PDGFD: variants seen among roughly 807,000 people sequenced by gnomAD.
The protein encoded by PDGFD is platelet derived growth factor D.
Under a neutral mutation model 44.7 loss-of-function variants are expected in PDGFD, and 30 were observed. That is an observed-to-expected ratio of 0.67 (90% CI 0.50 to 0.91). The LOEUF is 0.91. PDGFD is among the 40% of genes least tolerant of loss of function. PDGFD has a pLI of 0.00. For synonymous variants in PDGFD, 173 were observed against 168.4 expected (o/e 1.03, Z -0.21); for missense variants, 445 against 457.8 (o/e 0.97, Z 0.25).
In PDGFD at chr11:103,907,533, AG is replaced by A. The variant is rs1372631739; in HGVS notation, c.*2160del. ...AGGGAGAAGTTTTAATAAAACTCTC[AG>A]GAAAGGCAAAGAAAAGTGAGTGAAT... is the stretch of plus-strand genomic sequence containing the variant. On this transcript the variant is annotated 3_prime_UTR_variant, in exon 7 of 7. Transcript: ENST00000393158. The A allele has an allele frequency of 6.6e-6, 1 of 152,252 alleles. No homozygotes were observed. The highest frequency in any genetic ancestry group is 1.5e-5 in the Non-Finnish European group (1 of 68,040). 9.4% of individuals were successfully genotyped at this position (152,252 alleles called of 1,614,324 possible). A position where few individuals can be genotyped will look rare whatever the true frequency, so the allele number is the denominator to read the frequency against.
chr11:104,039,068 TTAATTACAACCCA>T (rs2098652763), intron 1 of PDGFD: 1 of 167,088 alleles, frequency 6.0e-6, no homozygotes, highest in South Asian at 2.1e-4. Context: ...GATCCTAGAC[TTAATTACAACCCA>T]TGGCTAAAGC....
chr11:104,098,060 T>C (rs1861310673), intron 1 of PDGFD, among the ~76,000 whole-genome samples: 1 of 152,194 alleles, frequency 6.6e-6, no homozygotes, highest in Non-Finnish European at 1.5e-5. Flanking sequence ...CCACAACAAA[T>C]AGTACTTTGC....
At chr11:104,076,685 G>A (rs139880896) in intron 1 of PDGFD, among the ~76,000 whole-genome samples, 1 of 152,120 alleles carries the variant, frequency 6.6e-6, no homozygotes, top group Non-Finnish European at 1.5e-5. Context: ...AACATGTTAA[G>A]GTATTTGGAC....
intron 3 of PDGFD, among the ~76,000 whole-genome samples, chr11:103,977,718 AT>A (rs983028535): frequency 1.3e-5 from 2 of 152,096 alleles, no homozygotes; most frequent in Non-Finnish European, 2.9e-5. Flanking sequence ...AAAACATACC[AT>A]GTGTGTCTAG....
At chr11:104,017,773 G>A (rs1474231472) in intron 1 of PDGFD, among the ~76,000 whole-genome samples, 1 of 152,166 alleles carries the variant, frequency 6.6e-6, no homozygotes, top group Non-Finnish European at 1.5e-5. Context: ...TTGTGAGGGA[G>A]ACCTAAAGCC....
chr11:104,135,830 A>G (rs1254088185), intron 1 of PDGFD, among the ~76,000 whole-genome samples: 1 of 152,194 alleles, frequency 6.6e-6, no homozygotes, highest in Non-Finnish European at 1.5e-5. Context: ...TGAGGTGTCT[A>G]TAAGGGGACT....
At chr11:104,033,049 G>GGTGT (rs34144830) in intron 1 of PDGFD, among the ~76,000 whole-genome samples, 1,651 of 146,310 alleles carry the variant, frequency 0.011, 13 homozygotes, top group Non-Finnish European at 0.015. Context: ...TATGTTTAGG[G>GGTGT]GTGTGTGTGT....
chr11:103,924,402 G>C (rs1418656723), intron 6 of PDGFD, among the ~76,000 whole-genome samples: 1 of 152,158 alleles, frequency 6.6e-6, no homozygotes, highest in Non-Finnish European at 1.5e-5. Flanking sequence ...ATCCAATCTA[G>C]AGTTCATCAG....
intron 6 of PDGFD, among the ~76,000 whole-genome samples, chr11:103,919,684 T>A (rs1474392488): frequency 6.6e-6 from 1 of 151,908 alleles, no homozygotes; most frequent in Non-Finnish European, 1.5e-5. Flanking sequence ...AATTTTTGTA[T>A]TTTTAGTAGA....
chr11:104,117,800 C>T (rs1032372553), intron 1 of PDGFD, among the ~76,000 whole-genome samples: 1 of 151,874 alleles, frequency 6.6e-6, no homozygotes, highest in African/African-American at 2.4e-5. Context: ...TGAAAATGGC[C>T]ATATTGCCAA....
At chr11:104,100,755 A>T (rs1181091403) in intron 1 of PDGFD, among the ~76,000 whole-genome samples, 2 of 152,198 alleles carry the variant, frequency 1.3e-5, no homozygotes, top group Non-Finnish European at 2.9e-5. Context: ...ATCCACCATG[A>T]TCAAGTGGGC....
chr11:103,925,823 G>A (rs1304475871), intron 6 of PDGFD, among the ~76,000 whole-genome samples: 1 of 150,748 alleles, frequency 6.6e-6, no homozygotes, highest in African/African-American at 2.4e-5. Flanking sequence ...CCGCCTCCCG[G>A]GTTCAAGTGA....
At chr11:103,986,498 G>A (rs922362283) in intron 3 of PDGFD, among the ~76,000 whole-genome samples, 2 of 152,178 alleles carry the variant, frequency 1.3e-5, no homozygotes, top group Admixed American at 6.5e-5. Flanking sequence ...CAGATATGGA[G>A]ACATCAACAA....
Position 103,943,462 on chromosome 11 carries a change from C to T in PDGFD, c.762G>A (p.Arg254=). 1.2e-6 allele frequency: 2 copies of T among 1,611,864 alleles called. No homozygotes were observed. Among genetic ancestry groups the T allele is most frequent in the Non-Finnish European group, 1.7e-6 (2 of 1,179,126 alleles). ...PRYRGRSYHD[R]KSKVDLDRLN... ...GTGTCTGTCTCTTACCTTTTGACTT[C>T]CGGTCATGGTATGACCTGCCTCGAT... The change falls in exon 5 of 7, where the codon CGG becomes CGA. Residue 254 remains arginine, a synonymous_variant. Transcript: ENST00000393158.
At chr11:104,045,204 T>C (rs1450129710) in intron 1 of PDGFD, among the ~76,000 whole-genome samples, 1 of 152,114 alleles carries the variant, frequency 6.6e-6, no homozygotes, top group African/African-American at 2.4e-5. Context: ...AAAATAGGCC[T>C]GAATGATCAA....
chr11:103,932,507 C>A (rs1401153847), intron 5 of PDGFD, among the ~76,000 whole-genome samples: 1 of 152,172 alleles, frequency 6.6e-6, no homozygotes, highest in Admixed American at 6.6e-5. Context: ...TAAGAAGCAT[C>A]CATATTCAGG....
chr11:103,953,568 T>A (rs114009164), intron 3 of PDGFD, among the ~76,000 whole-genome samples: 2,171 of 152,230 alleles, frequency 0.014, 50 homozygotes, highest in African/African-American at 0.05. Flanking sequence ...AAAGAAAAAA[T>A]GGACTGGATG....
At chr11:103,992,562 C>A (rs77901630) in intron 3 of PDGFD, among the ~76,000 whole-genome samples, 5,263 of 152,254 alleles carry the variant, frequency 0.035, 323 homozygotes, top group African/African-American at 0.12. Flanking sequence ...GTGAATCCTG[C>A]CTTCAATCTA....
At chr11:103,959,704 C>T (rs537264080) in intron 3 of PDGFD, among the ~76,000 whole-genome samples, 14 of 152,174 alleles carry the variant, frequency 9.2e-5, no homozygotes, top group African/African-American at 3.4e-4. Context: ...GAATTTATGA[C>T]AGAGCTGATA....
Sources: allele counts gnomAD v4.1 joint callset (sites outside exome capture counted in the v4.1 genomes callset), GRCh38; gene constraint gnomAD v4.1.1; transcripts MANE v1.5; gene names NCBI Gene and HGNC (gene_info 2026-07-23, HGNC 2026-07-21).